The following ME3 variants were observed in gnomAD, a reference collection of about 807,000 sequenced individuals.
The protein encoded by ME3 is NADP-dependent malic enzyme, mitochondrial.
A neutral mutation model predicts 68.9 loss-of-function variants in ME3; 48 were observed. The observed-to-expected ratio is 0.70, with a 90% CI of 0.55 to 0.89. The LOEUF is 0.89. Ranked by LOEUF, ME3 falls within the 40% of genes least tolerant of loss-of-function variation. The pLI is 0.00. For synonymous variants in ME3, 320 were observed against 318.8 expected, an observed-to-expected ratio of 1.00 and a Z score of -0.04; for missense variants, 675 against 797.4, an observed-to-expected ratio of 0.85 and a Z score of 1.85.
intron 2 of ME3, among the ~76,000 whole-genome samples, chr11:86,609,964 T>C (rs1254945177): frequency 2.0e-5 from 3 of 152,238 alleles, no homozygotes; most frequent in Non-Finnish European, 4.4e-5. Context: ...TCTGCATTTG[T>C]TAACCCATTT....
At chr11:86,512,920 A>G (rs1332054567) in intron 4 of ME3, among the ~76,000 whole-genome samples, 1 of 152,220 alleles carries the variant, frequency 6.6e-6, no homozygotes, top group African/African-American at 2.4e-5. Flanking sequence ...CTCTAAAAAC[A>G]GGGCACAAGT....
chr11:86,564,138 G>A (rs1448277194), intron 2 of ME3, among the ~76,000 whole-genome samples: 1 of 152,060 alleles, frequency 6.6e-6, no homozygotes, highest in African/African-American at 2.4e-5. Flanking sequence ...GGGTTTTGTA[G>A]TTCTCCTTGT....
intron 5 of ME3, among the ~76,000 whole-genome samples, chr11:86,507,369 GGA>G (rs1165428580): frequency 6.6e-6 from 1 of 152,094 alleles, no homozygotes; most frequent in Non-Finnish European, 1.5e-5. Flanking sequence ...GAACTTCCAG[GGA>G]GCTCTTCCAG....
intron 4 of ME3, among the ~76,000 whole-genome samples, chr11:86,540,581 A>G (rs1163650160): frequency 6.6e-6 from 1 of 152,204 alleles, no homozygotes; most frequent in Non-Finnish European, 1.5e-5. Context: ...GAAATGCTGG[A>G]TTAAGAGTCT....
At chr11:86,494,511 T>G (rs1952191521) in intron 6 of ME3, among the ~76,000 whole-genome samples, 1 of 152,134 alleles carries the variant, frequency 6.6e-6, no homozygotes, top group Non-Finnish European at 1.5e-5. Context: ...CTGCTTCCTC[T>G]CACCCCCGGG....
chr11:86,652,371 G>T (rs1216165265), intron 2 of ME3, among the ~76,000 whole-genome samples: 2 of 152,324 alleles, frequency 1.3e-5, no homozygotes, highest in South Asian at 4.1e-4. Context: ...ACAAAGGGAA[G>T]CCCATCAGAC....
intron 2 of ME3, among the ~76,000 whole-genome samples, chr11:86,589,923 C>T (rs1958963499): frequency 6.6e-6 from 1 of 152,162 alleles, no homozygotes; most frequent in Non-Finnish European, 1.5e-5. Flanking sequence ...GTGTGCTGTT[C>T]CACATCACAG....
chr11:86,477,664 T>G (rs866278311), intron 7 of ME3, among the ~76,000 whole-genome samples: 1 of 152,166 alleles, frequency 6.6e-6, no homozygotes, highest in Non-Finnish European at 1.5e-5. Context: ...AATAGCCAGC[T>G]AGTGTCATTG....
At chr11:86,655,272 A>G (rs2135457120) in intron 2 of ME3, among the ~76,000 whole-genome samples, 2 of 152,288 alleles carry the variant, frequency 1.3e-5, no homozygotes, top group South Asian at 4.1e-4. Context: ...GGAACCAAAA[A>G]AGAGCCTGCA....
intron 4 of ME3, among the ~76,000 whole-genome samples, chr11:86,536,789 T>C (rs905996167): frequency 3.9e-5 from 6 of 152,014 alleles, no homozygotes; most frequent in Non-Finnish European, 7.4e-5. Flanking sequence ...TTACTGGGTA[T>C]ATACCCAAAG....
chr11:86,529,672 C>T (rs1388078641), intron 4 of ME3, among the ~76,000 whole-genome samples: 4 of 152,322 alleles, frequency 2.6e-5, no homozygotes, highest in East Asian at 3.9e-4. Context: ...ATCAAGTGGG[C>T]TTCATCCCTG....
intron 8 of ME3, chr11:86,457,542 G>T: frequency 8.7e-7 from 1 of 1,152,730 alleles, no homozygotes; most frequent in Non-Finnish European, 1.1e-6. Context: ...TGGTTCTTAA[G>T]CTCCAAATTA....
At chr11:86,482,957 G>A (rs1393921320) in intron 7 of ME3, among the ~76,000 whole-genome samples, 1 of 152,196 alleles carries the variant, frequency 6.6e-6, no homozygotes, top group East Asian at 1.9e-4. Flanking sequence ...AAGCCAGTAA[G>A]ATTTAGGATG....
At chr11:86,557,600 T>G (rs1956997023) in intron 3 of ME3, among the ~76,000 whole-genome samples, 1 of 152,148 alleles carries the variant, frequency 6.6e-6, no homozygotes, top group South Asian at 2.1e-4. Flanking sequence ...CTTGGGAAAG[T>G]CTTGTGTGAC....
chr11:86,611,365 T>A (rs2135196016), intron 2 of ME3, among the ~76,000 whole-genome samples: 1 of 152,192 alleles, frequency 6.6e-6, no homozygotes, highest in Non-Finnish European at 1.5e-5. Flanking sequence ...GAAGATCTAA[T>A]GTACAGTATG....
intron 4 of ME3, among the ~76,000 whole-genome samples, chr11:86,539,478 A>G (rs897342441): frequency 2.6e-5 from 4 of 152,192 alleles, no homozygotes; most frequent in Non-Finnish European, 5.9e-5. Context: ...AAAAACAGAG[A>G]CCATCAATGA....
At chr11:86,502,173 A>G (rs1952767457) in intron 5 of ME3, among the ~76,000 whole-genome samples, 1 of 152,124 alleles carries the variant, frequency 6.6e-6, no homozygotes, top group Admixed American at 6.6e-5. Context: ...TTACTTCTCA[A>G]TTTCTTTATC....
rs534165667 is a variant in ME3 at position 86,539,047 on chromosome 11, A to C, written c.467+17506T>G. 3.3e-5 allele frequency among the ~76,000 whole-genome samples: 5 copies of C among 152,328 alleles called. No individual in the cohort carries two copies. The East Asian group carries it at 9.6e-4, about 29-fold the overall frequency. On this transcript the variant is annotated intron_variant, in intron 4 of 14. Transcript: ENST00000543262. ...GCTTGGATTTGAGACCTACTGGTTG[A>C]TTCTGGGAAGGGCCAAGACTCCCTC...
chr11:86,598,874 AC>A (rs1231502802), intron 2 of ME3, among the ~76,000 whole-genome samples: 2 of 152,182 alleles, frequency 1.3e-5, no homozygotes, highest in Non-Finnish European at 2.9e-5. Context: ...ACTCCAACAG[AC>A]CTGCAGGTGA....
Sources: allele counts gnomAD v4.1 joint callset (sites outside exome capture counted in the v4.1 genomes callset), GRCh38; gene constraint gnomAD v4.1.1; transcripts MANE v1.5; gene names NCBI Gene and HGNC (gene_info 2026-07-23, HGNC 2026-07-21).